Variants in EMSY observed in about 807,000 individuals in gnomAD.
EMSY encodes the protein EMSY transcriptional repressor, BRCA2 interacting.
EMSY carries 26 observed loss-of-function variants against 134.6 expected under a neutral mutation model. The ratio of observed to expected loss-of-function variants is 0.19; its 90% CI spans 0.14 to 0.27. The LOEUF is 0.27. EMSY is among the 10% of genes least tolerant of loss of function. The pLI, the probability that EMSY is intolerant of heterozygous loss-of-function variation, is 1.00. For synonymous variants in EMSY, 579 were observed against 577.8 expected (o/e 1.00, Z -0.03); for missense variants, 1,305 against 1,611.4 (o/e 0.81, Z 3.26).
At chr11:76,451,064 T>A (rs1031488642) in intron 2 of EMSY, among the ~76,000 whole-genome samples, 2 of 152,160 alleles carry the variant, frequency 1.3e-5, no homozygotes, top group African/African-American at 4.8e-5. Context: ...CCCAAAGTGC[T>A]AGGATTACAG....
intron 16 of EMSY, among the ~76,000 whole-genome samples, 191 bp downstream of exon 17, chr11:76,538,141 A>G (rs1389815620): frequency 6.6e-6 from 1 of 152,232 alleles, no homozygotes; most frequent in Non-Finnish European, 1.5e-5. Flanking sequence ...GATGTTATGA[A>G]GTTTGTAGGT....
intron 6 of EMSY, 85 bp downstream of exon 7, chr11:76,460,170 A>C (rs1182451137): frequency 1.4e-6 from 2 of 1,475,250 alleles, no homozygotes; most frequent in Non-Finnish European, 1.9e-6. Flanking sequence ...TCCTGGATTA[A>C]ATCATTGGTC....
At chr11:76,463,500 G>T (rs1189914800) in intron 6 of EMSY, among the ~76,000 whole-genome samples, 1 of 152,066 alleles carries the variant, frequency 6.6e-6, no homozygotes, top group Non-Finnish European at 1.5e-5. Flanking sequence ...GCGGGTGCCT[G>T]TAGTCCCAGC....
chr11:76,516,124 G>A lies in EMSY; in HGVS notation c.1514-18G>A, dbSNP rs1221882471. ...TAAGCAATGACAAGTTTTTCTTTTGGCTTTTCCCTTTCTGTAGGCACACAA... is the reference window on the plus strand; with the variant it reads ...TAAGCAATGACAAGTTTTTCTTTTGACTTTTCCCTTTCTGTAGGCACACAA... On this transcript the variant is annotated intron_variant, in intron 10 of 20. Coordinates refer to ENST00000334736, the Ensembl canonical transcript of EMSY. The A allele has an allele frequency of 1.3e-6, 2 of 1,598,540 alleles. No individual in the cohort carries two copies. The highest frequency in any genetic ancestry group is 2.7e-5 in the African/African-American group (2 of 74,266).
chr11:76,545,410 A>G (rs1024052107), intron 19 of EMSY, among the ~76,000 whole-genome samples: 1 of 152,172 alleles, frequency 6.6e-6, no homozygotes, highest in Non-Finnish European at 1.5e-5. Context: ...GTTTGTATAC[A>G]TGTATTATGA....
intron 8 of EMSY, among the ~76,000 whole-genome samples, chr11:76,475,694 T>TA (rs1269958781): frequency 6.6e-6 from 1 of 152,246 alleles, no homozygotes. Context: ...TTATTTTTTT[T>TA]AAACAAGGTA....
At chr11:76,455,920 TCAGA>T (rs1260832749) in intron 4 of EMSY, among the ~76,000 whole-genome samples, 1 of 152,162 alleles carries the variant, frequency 6.6e-6, no homozygotes, top group Non-Finnish European at 1.5e-5. Context: ...TCCCCATCAC[TCAGA>T]CATTCACAGG....
chr11:76,526,919 G>A (rs1261152009), intron 13 of EMSY, among the ~76,000 whole-genome samples: 1 of 152,070 alleles, frequency 6.6e-6, no homozygotes, highest in Non-Finnish European at 1.5e-5. Flanking sequence ...TGATTTGAGG[G>A]GGGTGGTTGA....
chr11:76,475,500 G>A (rs1368696150), intron 8 of EMSY, among the ~76,000 whole-genome samples: 1 of 152,096 alleles, frequency 6.6e-6, no homozygotes, highest in African/African-American at 2.4e-5. Flanking sequence ...TGAGCCTTAA[G>A]TAATTATAGG....
At chr11:76,481,967 T>C (rs1295662120) in intron 8 of EMSY, among the ~76,000 whole-genome samples, 4 of 152,090 alleles carry the variant, frequency 2.6e-5, no homozygotes. Flanking sequence ...CACCTCCCAG[T>C]AGGGGTTGAT....
At chr11:76,523,740 T>C (rs1950740063) in intron 12 of EMSY, among the ~76,000 whole-genome samples, 1 of 139,060 alleles carries the variant, frequency 7.2e-6, no homozygotes, top group Admixed American at 7.4e-5. Context: ...TTTACCTCTT[T>C]GAGCTGTTAA....
chr11:76,459,960 C>G, exon 6 of EMSY: 1 of 1,614,190 alleles, frequency 6.2e-7, no homozygotes, highest in Non-Finnish European at 8.5e-7. Context: ...TACACAAGTA[C>G]CACGTCAACC....
At chr11:76,531,031 G>T (rs1268943093) in intron 14 of EMSY, among the ~76,000 whole-genome samples, 4 of 151,950 alleles carry the variant, frequency 2.6e-5, no homozygotes, top group African/African-American at 4.8e-5. Context: ...TTTACATTTT[G>T]CCCTATTTGC....
chr11:76,520,611 C>T (rs574910717), intron 11 of EMSY, among the ~76,000 whole-genome samples: 8 of 152,220 alleles, frequency 5.3e-5, no homozygotes, highest in Non-Finnish European at 1.0e-4. Flanking sequence ...GAAGCTAGTT[C>T]ATAGATTAAA....
In EMSY at chr11:76,514,614, T is replaced by C. The variant is rs77275106; in HGVS notation, c.1513+1079T>C. On this transcript the variant is annotated intron_variant, in intron 10 of 20. Transcript: ENST00000334736. ...GCAGTAAAATATATATAACATGAAA[T>C]TTACCATTTTCAAATATATAGTTCA... is the stretch of plus-strand genomic sequence containing the variant. Among the ~76,000 whole-genome samples the C allele has an allele frequency of 7.6e-3, 1,163 of 152,260 alleles. 18 individuals carry two copies. The highest frequency in any genetic ancestry group is 0.026 in the African/African-American group (1,093 of 41,548).
chr11:76,523,704 C>CTTTTTTTTTTTTTTTGTTTTTTTTTTTTT (rs1950732357), intron 12 of EMSY, among the ~76,000 whole-genome samples: 1 of 80,536 alleles, frequency 1.2e-5, no homozygotes, highest in Non-Finnish European at 2.3e-5. Flanking sequence ...TTGTTACTTT[C>CTTTTTTTTTTTTTTTGTTTTTTTTTTTTT]TTTTTTTTTT....
At chr11:76,453,228 C>G in intron 3 of EMSY, 86 bp from the exon 4 acceptor site, 5 of 1,249,026 alleles carry the variant, frequency 4.0e-6, no homozygotes, top group South Asian at 1.3e-5. Flanking sequence ...CCTTCTCCCC[C>G]CAAAAATGTT....
At chr11:76,546,338 G>C (rs182250028) in intron 20 of EMSY, 41 bp downstream of exon 21, 1 of 1,566,764 alleles carries the variant, frequency 6.4e-7, no homozygotes, top group Non-Finnish European at 8.6e-7. Context: ...GTGCATCTTG[G>C]GGGTTGTGGG....
chr11:76,493,709 C>T (rs1300898758), intron 8 of EMSY, among the ~76,000 whole-genome samples: 1 of 152,252 alleles, frequency 6.6e-6, no homozygotes, highest in Admixed American at 6.5e-5. Flanking sequence ...CTACTCGCTT[C>T]GGATCTCTTG....
Sources: gnomAD v4.1 joint callset for allele counts (sites outside exome capture counted in the v4.1 genomes callset) on GRCh38, gnomAD v4.1.1 for gene constraint, MANE v1.5 for transcripts, NCBI Gene and HGNC (gene_info 2026-07-23, HGNC 2026-07-21) for gene names.